The following FUT8 variants were observed in gnomAD, a reference collection of about 807,000 sequenced individuals.
The protein encoded by FUT8 is alpha-(1,6)-fucosyltransferase.
In FUT8, 29 loss-of-function variants were observed where a neutral mutation model predicts 71.3. That is an observed-to-expected ratio of 0.41 (90% CI 0.30 to 0.55). The LOEUF (loss-of-function observed/expected upper bound fraction) is 0.55, where lower values mean the gene tolerates loss of function less well. Among genes scored for constraint, FUT8 ranks in the 20% least tolerant of loss-of-function variants. The pLI is 0.34. For missense variants in FUT8, 544 were observed against 702.1 expected (o/e 0.77, Z 2.55); for synonymous variants, 254 against 239.3 (o/e 1.06, Z -0.57).
At chr14:65,703,889 G>A (rs1167705027) in intron 7 of FUT8, among the ~76,000 whole-genome samples, 1 of 152,208 alleles carries the variant, frequency 6.6e-6, no homozygotes, top group Non-Finnish European at 1.5e-5. Flanking sequence ...GCTATACAGT[G>A]TTACACTAAC....
intron 7 of FUT8, among the ~76,000 whole-genome samples, chr14:65,677,418 C>T (rs1372126474): frequency 6.6e-6 from 1 of 151,980 alleles, no homozygotes; most frequent in African/African-American, 2.4e-5. Flanking sequence ...CCTTTTGATT[C>T]AATTTAAGTT....
Position 65,610,799 on chromosome 14 carries a change from A to G in FUT8, c.204-5179A>G, listed in dbSNP as rs763684708. 1.0e-3 allele frequency among the ~76,000 whole-genome samples: 157 copies of G among 152,076 alleles called. 2 individuals are homozygous for G. Among genetic ancestry groups the G allele is most frequent in the Non-Finnish European group, 1.9e-3 (126 of 67,926 alleles). ...ATTTTGTTTAAAAAAAATTTTGTCTATAGGAAGAATTACATTGATTTATTT... is the reference window on the plus strand; with the variant it reads ...ATTTTGTTTAAAAAAAATTTTGTCTGTAGGAAGAATTACATTGATTTATTT... On this transcript the variant is annotated intron_variant, in intron 3 of 10. Transcript: ENST00000673929.
chr14:65,518,686 G>A (rs1482697247), intron 2 of FUT8, among the ~76,000 whole-genome samples: 1 of 152,004 alleles, frequency 6.6e-6, no homozygotes, highest in East Asian at 1.9e-4. Context: ...CACCATGCCA[G>A]GCTAATTTTT....
At position 65,643,665 on chromosome 14, in the gene FUT8, TACACACACAC is replaced by T. The variant is rs60967671; in HGVS notation, c.597+14100_597+14109del. On this transcript the variant is annotated intron_variant, in intron 6 of 10. Coordinates refer to ENST00000673929, the MANE Select transcript of FUT8 (RefSeq NM_001371533.1). This position sits in a 1 kb window ranked among gnomAD's most constrained non-coding sequence, Gnocchi z 4.5. ...CGAGACTCCGTCTTTAAAAAAAAAA[TACACACACAC>T]ACACACACACACACACACACACACA... 0.25 allele frequency among the ~76,000 whole-genome samples: 31,186 copies of T among 124,594 alleles called. 4,518 individuals are homozygous for T. The highest frequency in any genetic ancestry group is 0.33 in the Non-Finnish European group (20,378 of 61,806). 81.7% of individuals were successfully genotyped at this position (124,594 alleles called of 152,430 possible). A position where few individuals can be genotyped will look rare whatever the true frequency, so the allele number is the denominator to read the frequency against.
chr14:65,635,723 G>T (rs1890515134), intron 6 of FUT8, among the ~76,000 whole-genome samples: 1 of 152,070 alleles, frequency 6.6e-6, no homozygotes, highest in Non-Finnish European at 1.5e-5. Context: ...ATATGTTGTT[G>T]GATTTGGCTA....
At chr14:65,497,928 C>T (rs1314289700) in intron 2 of FUT8, among the ~76,000 whole-genome samples, 6 of 151,856 alleles carry the variant, frequency 4.0e-5, no homozygotes, top group Non-Finnish European at 8.8e-5. Flanking sequence ...GGGAAGGGAG[C>T]GATTTTCTGC....
At chr14:65,385,409 AT>A in the FUT8 span, among the ~76,000 whole-genome samples, 1 of 152,180 alleles carries the variant, frequency 6.6e-6, no homozygotes, top group Non-Finnish European at 1.5e-5. Context: ...ACTCTTCTGA[AT>A]AGAAGTTATG....
At chr14:65,565,033 G>A (rs1566825061) in intron 3 of FUT8, among the ~76,000 whole-genome samples, 1 of 151,966 alleles carries the variant, frequency 6.6e-6, no homozygotes, top group Non-Finnish European at 1.5e-5. Context: ...GTCCAAGATT[G>A]AACAGCTGCA....
At chr14:65,419,262 A>AAAAAC (rs2065259261) in intron 1 of FUT8, among the ~76,000 whole-genome samples, 1 of 152,218 alleles carries the variant, frequency 6.6e-6, no homozygotes, top group Admixed American at 6.5e-5. Context: ...CTCTGTCTCA[A>AAAAAC]AAAACAAAAC....
intron 9 of FUT8, among the ~76,000 whole-genome samples, chr14:65,728,327 T>TA (rs1895790268): frequency 6.6e-6 from 1 of 152,230 alleles, no homozygotes; most frequent in Non-Finnish European, 1.5e-5. Context: ...TTAATGGACT[T>TA]ACAGTTCCAC....
chr14:65,633,143 C>T (rs1037449127), intron 6 of FUT8, among the ~76,000 whole-genome samples: 2 of 151,798 alleles, frequency 1.3e-5, no homozygotes, highest in Non-Finnish European at 2.9e-5. Flanking sequence ...CTCAGCCTGC[C>T]GAGTGCCTGC....
chr14:65,603,935 C>T lies in FUT8; in HGVS notation c.204-12043C>T, dbSNP rs915406953. Among the ~76,000 whole-genome samples, 10 of 151,560 alleles carry T rather than the reference C, an allele frequency of 6.6e-5. No individual in the cohort carries two copies. The highest frequency in any genetic ancestry group is 5.3e-4 in the Admixed American group (8 of 15,188). On this transcript the variant is annotated intron_variant, in intron 3 of 10. Coordinates refer to ENST00000673929, the MANE Select transcript of FUT8 (RefSeq NM_001371533.1). This position sits in a 1 kb window ranked among gnomAD's most constrained non-coding sequence, Gnocchi z 4.5. ...AAGACATTTCATGCAAATGGACACC[C>T]AAAGCGAGCAGGAGTAGCTATTCTT...
At chr14:65,702,425 A>C (rs1476983801) in intron 7 of FUT8, among the ~76,000 whole-genome samples, 1 of 151,958 alleles carries the variant, frequency 6.6e-6, no homozygotes, top group Non-Finnish European at 1.5e-5. Context: ...GGAAACATTT[A>C]GTATAGTACC....
At chr14:65,390,318 T>C in the FUT8 span, among the ~76,000 whole-genome samples, 1 of 135,110 alleles carries the variant, frequency 7.4e-6, no homozygotes, top group African/African-American at 2.9e-5. Context: ...CGAGACTTCG[T>C]CTCAAAAAAA....
intron 7 of FUT8, among the ~76,000 whole-genome samples, chr14:65,680,431 T>C (rs1892984580): frequency 6.6e-6 from 1 of 152,238 alleles, no homozygotes; most frequent in African/African-American, 2.4e-5. Context: ...TCATTTGTTC[T>C]AGCCTTATCT....
chr14:65,711,324 A>G (rs1345328251), intron 7 of FUT8, among the ~76,000 whole-genome samples: 3 of 152,226 alleles, frequency 2.0e-5, no homozygotes, highest in Non-Finnish European at 4.4e-5. Flanking sequence ...ATCAGAAGAT[A>G]ACACTTTCAT....
chr14:65,363,111 A>C, the FUT8 span, among the ~76,000 whole-genome samples: 3 of 151,612 alleles, frequency 2.0e-5, no homozygotes, highest in African/African-American at 7.3e-5. Context: ...GAGACATGGC[A>C]GGTACAGAAA....
intron 2 of FUT8, among the ~76,000 whole-genome samples, chr14:65,476,784 A>G (rs987237176): frequency 6.6e-6 from 1 of 151,792 alleles, no homozygotes; most frequent in Admixed American, 6.6e-5. Flanking sequence ...TGATAGTGGA[A>G]GTCTCTGCCC....
At chr14:65,679,704 CTG>C (rs1892944952) in intron 7 of FUT8, among the ~76,000 whole-genome samples, 1 of 152,160 alleles carries the variant, frequency 6.6e-6, no homozygotes, top group South Asian at 2.1e-4. Context: ...TGCTTACAAA[CTG>C]TATCACATTA....
Sources: allele counts gnomAD v4.1 joint callset (sites outside exome capture counted in the v4.1 genomes callset), GRCh38; gene constraint gnomAD v4.1.1; non-coding constraint Gnocchi (gnomAD v3.1); transcripts MANE v1.5; gene names NCBI Gene and HGNC (gene_info 2026-07-23, HGNC 2026-07-21).